The following FGF5 variants were observed in gnomAD, a reference collection of about 807,000 sequenced individuals.
FGF5 encodes heparin-binding growth factor 5.
FGF5 carries 23 observed loss-of-function variants against 21.8 expected under a neutral mutation model. The observed-to-expected ratio is 1.05, with a 90% CI of 0.76 to 1.49. The LOEUF is 1.49. Among genes scored for constraint, FGF5 ranks in the 40% most tolerant of loss-of-function variants. FGF5 has a pLI of 0.00. For synonymous variants in FGF5, 158 were observed against 124.0 expected (o/e 1.27, Z -1.82); for missense variants, 352 against 332.9 (o/e 1.06, Z -0.45).
chr4:80,271,185 A>G (rs77848274), intron 1 of FGF5, among the ~76,000 whole-genome samples: 2 of 152,238 alleles, frequency 1.3e-5, no homozygotes, highest in Non-Finnish European at 2.9e-5. Flanking sequence ...AAAAGGAAAA[A>G]TGTGTATAGT....
chr4:80,269,081 G>A (rs1337411179), intron 1 of FGF5, among the ~76,000 whole-genome samples: 1 of 152,038 alleles, frequency 6.6e-6, no homozygotes, highest in Non-Finnish European at 1.5e-5. Flanking sequence ...GTAACGACCC[G>A]TGGAGTCATT....
intron 2 of FGF5, among the ~76,000 whole-genome samples, chr4:80,280,931 G>A (rs1246125297): frequency 6.6e-6 from 1 of 152,096 alleles, no homozygotes; most frequent in Non-Finnish European, 1.5e-5. Flanking sequence ...CCTGCTCTCT[G>A]AGTAATTTGA....
intron 1 of FGF5, among the ~76,000 whole-genome samples, chr4:80,271,459 T>C (rs949095921): frequency 3.3e-5 from 5 of 152,140 alleles, no homozygotes; most frequent in African/African-American, 1.2e-4. Context: ...GGGAACACCT[T>C]AAGAAAAATA....
At chr4:80,271,224 T>C (rs1427442322) in intron 1 of FGF5, among the ~76,000 whole-genome samples, 1 of 152,198 alleles carries the variant, frequency 6.6e-6, no homozygotes, top group Non-Finnish European at 1.5e-5. Flanking sequence ...TAGAGCCCTA[T>C]TATATTAAGA....
intron 1 of FGF5, 33 bp downstream of exon 1, chr4:80,267,212 T>C (rs374246934): frequency 1.3e-6 from 2 of 1,531,424 alleles, no homozygotes; most frequent in African/African-American, 1.4e-5. Flanking sequence ...AAACCCGTCC[T>C]AGGCGGCCGC....
chr4:80,276,187 T>C (rs1720405111), intron 2 of FGF5, among the ~76,000 whole-genome samples: 1 of 151,996 alleles, frequency 6.6e-6, no homozygotes, highest in Non-Finnish European at 1.5e-5. Flanking sequence ...AAGAATACTA[T>C]TTGGTGTGTT....
chr4:80,276,949 C>T (rs1254689359), intron 2 of FGF5, among the ~76,000 whole-genome samples: 1 of 151,938 alleles, frequency 6.6e-6, no homozygotes, highest in African/African-American at 2.4e-5. Flanking sequence ...GAGTGAAAAT[C>T]TTAACTTTCA....
rs1720760779 is a variant in FGF5, at chr4:80,287,226, T to C, written c.*554T>C. On this transcript the variant is annotated 3_prime_UTR_variant, in exon 3 of 3. Transcript: ENST00000312465. ...TTATAGCTCATTTGTAATATGGAAA[T>C]CTTTTACATTTTTCCTATTCACTGC... is the stretch of plus-strand genomic sequence containing the variant. The C allele has an allele frequency of 6.6e-6, 1 of 152,208 alleles. No individual in the cohort carries two copies. Among genetic ancestry groups the C allele is most frequent in the South Asian group, 2.1e-4 (1 of 4,828 alleles). 9.4% of individuals were successfully genotyped at this position (152,208 alleles called of 1,614,324 possible). A position where few individuals can be genotyped will look rare whatever the true frequency, so the allele number is the denominator to read the frequency against.
chr4:80,278,813 T>C (rs1720482933), intron 2 of FGF5, among the ~76,000 whole-genome samples: 1 of 152,162 alleles, frequency 6.6e-6, no homozygotes, highest in Non-Finnish European at 1.5e-5. Context: ...CAAATTCTTG[T>C]CGTGCAGGTT....
rs1720840948 is a variant in FGF5, at chr4:80,289,607, T to G, written c.*2935T>G. On this transcript the variant is annotated 3_prime_UTR_variant, in exon 3 of 3. Coordinates refer to ENST00000312465, the MANE Select transcript of FGF5 (RefSeq NM_004464.4). ...TTTTATCAATTATATTATGTTTAAT[T>G]ATTTAAGATTTCTTTATGTGGAACA... The G allele has an allele frequency of 1.3e-5, 2 of 152,120 alleles. No individual in the cohort carries two copies. Among genetic ancestry groups the G allele is most frequent in the Non-Finnish European group, 2.9e-5 (2 of 68,012 alleles). 9.4% of individuals were successfully genotyped at this position (152,120 alleles called of 1,614,324 possible). A position where few individuals can be genotyped will look rare whatever the true frequency, so the allele number is the denominator to read the frequency against.
intron 2 of FGF5, among the ~76,000 whole-genome samples, chr4:80,280,114 G>C (rs1438587318): frequency 3.3e-5 from 5 of 152,168 alleles, no homozygotes; most frequent in African/African-American, 1.2e-4. Flanking sequence ...AACTTACTAA[G>C]CACTCCACTC....
chr4:80,279,325 A>G (rs1477612010), intron 2 of FGF5, among the ~76,000 whole-genome samples: 2 of 152,360 alleles, frequency 1.3e-5, no homozygotes, highest in Non-Finnish European at 2.9e-5. Flanking sequence ...AAACACTTAG[A>G]GTACTGCCTG....
intron 2 of FGF5, among the ~76,000 whole-genome samples, chr4:80,285,829 A>G (rs1348009711): frequency 2.0e-5 from 3 of 152,204 alleles, no homozygotes; most frequent in Non-Finnish European, 4.4e-5. Flanking sequence ...AGCAGCCTCA[A>G]TCACACTGAT....
At chr4:80,267,767 A>G (rs1367112428) in intron 1 of FGF5, among the ~76,000 whole-genome samples, 1 of 152,044 alleles carries the variant, frequency 6.6e-6, no homozygotes, top group African/African-American at 2.4e-5. Context: ...ATACACAGAT[A>G]GATAGACAGA....
In FGF5 at chr4:80,266,854, C is replaced by A. The variant is rs1383361719; in HGVS notation, c.30C>A (p.Phe10Leu). MSLSFLLLL[F>L]FSHLILSAWA... ...GCTTGTCCTTCCTCCTCCTCCTCTT[C>A]TTCAGCCACCTGATCCTCAGCGCCT... The change falls in exon 1 of 3, where the codon TTC (phenylalanine) becomes TTA (leucine). Residue 10 changes from phenylalanine to leucine, a missense_variant. Physicochemically the swap from Phe to Leu is conservative, Grantham distance 22. Coordinates refer to ENST00000312465, the MANE Select transcript of FGF5 (RefSeq NM_004464.4). 1 of 1,604,524 alleles carries A rather than the reference C, an allele frequency of 6.2e-7. No homozygotes were observed. The highest frequency in any genetic ancestry group is 1.7e-5 in the Admixed American group (1 of 58,538).
chr4:80,274,345 G>A (rs1720352740), intron 1 of FGF5, among the ~76,000 whole-genome samples: 1 of 151,974 alleles, frequency 6.6e-6, no homozygotes, highest in Non-Finnish European at 1.5e-5. Flanking sequence ...AATGCTTTCA[G>A]TATCTTATAT....
rs778944040 is a variant in FGF5 at position 80,286,535 on chromosome 4, C to G, written c.670C>G (p.Gln224Glu). 3.1e-6 allele frequency: 5 copies of G among 1,613,916 alleles called. No homozygotes were observed. The Admixed American group carries it at 8.3e-5, about 27-fold the overall frequency. ...HFLPRFKQSE[Q>E]PELSFTVTVP... ...TCTGCCAAGATTCAAGCAGTCGGAG[C>G]AGCCAGAACTTTCTTTCACGGTTAC... Residue 224 changes from glutamine (Q) to glutamate (E), a missense_variant, in exon 3 of 3, where the codon CAG becomes GAG. Coordinates refer to ENST00000312465, the MANE Select transcript of FGF5 (RefSeq NM_004464.4).
At chr4:80,275,061 A>T (rs747301906) in intron 2 of FGF5, 49 bp downstream of exon 2, 3 of 787,260 alleles carry the variant, frequency 3.8e-6, no homozygotes, top group African/African-American at 3.6e-5. Context: ...AAGATTTTAC[A>T]TTTGTAAAAC....
Position 80,266,918 on chromosome 4 carries a change from C to T in FGF5, c.94C>T (p.Pro32Ser), listed in dbSNP as rs1720104243. ...GAAGCGTCTCGCCCCCAAAGGGCAA[C>T]CCGGACCCGCTGCCACTGATAGGAA... ...GEKRLAPKGQ[P>S]GPAATDRNPR... Residue 32 changes from proline (P) to serine (S), a missense_variant, in exon 1 of 3, where the codon CCC (proline) becomes TCC (serine). Pro to Ser is a moderately conservative substitution (Grantham distance 74, BLOSUM62 -1). Transcript: ENST00000312465. 1 of 1,614,116 alleles carries T rather than the reference C, an allele frequency of 6.2e-7. No individual in the cohort carries two copies. The highest frequency in any genetic ancestry group is 1.3e-5 in the African/African-American group (1 of 75,074).
Sources: allele counts gnomAD v4.1 joint callset (sites outside exome capture counted in the v4.1 genomes callset), GRCh38; gene constraint gnomAD v4.1.1; transcripts MANE v1.5; gene names NCBI Gene and HGNC (gene_info 2026-07-23, HGNC 2026-07-21).